IGF2R: variants seen among roughly 807,000 people sequenced by gnomAD.
The protein encoded by IGF2R is cation-independent mannose-6-phosphate receptor.
A neutral mutation model predicts 270.6 loss-of-function variants in IGF2R; 91 were observed. The observed-to-expected ratio is 0.34, with a 90% confidence interval of 0.28 to 0.40. The LOEUF (loss-of-function observed/expected upper bound fraction) is 0.40, where lower values mean the gene tolerates loss of function less well. IGF2R is among the 10% of genes least tolerant of loss of function. The pLI, the probability that IGF2R is intolerant of heterozygous loss-of-function variation, is 1.00. For synonymous variants in IGF2R, 1,316 were observed against 1,258.9 expected (o/e 1.05, Z -0.96); for missense variants, 2,805 against 3,188.3 (o/e 0.88, Z 2.90).
chr6:160,079,763 G>T lies in IGF2R; in HGVS notation c.5662G>T (p.Val1888Leu), dbSNP rs374125303. Residue 1888 changes from valine to leucine, a missense_variant, in exon 38 of 48, where the codon GTG (valine) becomes TTG (leucine). Physicochemically the swap from Val to Leu is conservative, Grantham distance 32 (BLOSUM62 1). Around this residue, in one of 2 missense-constraint regions of IGF2R, gnomAD observed 1,851 missense variants for 2,207.2 expected, o/e 0.84. Coordinates refer to ENST00000356956, the MANE Select transcript of IGF2R (RefSeq NM_000876.4). ...HQDEAVVLSY[V>L]NGDRCPPETD... The stretch of plus-strand genomic sequence containing the variant: ...GGATGAAGCGGTCGTTTTAAGTTAC[G>T]TGAATGGTGATCGTTGCCCTCCAGG... 2 of 1,458,642 alleles carry T rather than the reference G, an allele frequency of 1.4e-6. No homozygotes were observed. The highest frequency in any genetic ancestry group is 1.8e-6 in the Non-Finnish European group (2 of 1,101,532). The allele number at this position is 1,458,642 out of a possible 1,614,324, so 90.4% of individuals were successfully genotyped here. A position where few individuals can be genotyped will look rare whatever the true frequency, so the allele number is the denominator to read the frequency against.
At chr6:159,981,285 G>A (rs1783798034) in intron 1 of IGF2R, among the ~76,000 whole-genome samples, 1 of 152,112 alleles carries the variant, frequency 6.6e-6, no homozygotes, top group South Asian at 2.1e-4. Flanking sequence ...GCACGAGTGT[G>A]TGAGTGCAAG....
Position 160,079,751 on chromosome 6 carries a change from G to A in IGF2R, c.5650G>A (p.Val1884Ile), listed in dbSNP as rs372315069. The change falls in exon 38 of 48, where the codon GTT (valine) becomes ATT (isoleucine). Residue 1884 changes from valine to isoleucine, a missense_variant. Physicochemically the swap from Val to Ile is conservative, Grantham distance 29. This residue lies in a region of IGF2R where 1,851 missense variants were observed against 2,207.2 expected (regional missense o/e 0.84). Coordinates refer to ENST00000356956, the MANE Select transcript of IGF2R (RefSeq NM_000876.4). ...TTACAGGCACCAGGATGAAGCGGTCGTTTTAAGTTACGTGAATGGTGATCG... is the reference window on the plus strand; with the variant it reads ...TTACAGGCACCAGGATGAAGCGGTCATTTTAAGTTACGTGAATGGTGATCG... ...LDYRHQDEAV[V>I]LSYVNGDRCP... 65 of 1,475,988 alleles carry A rather than the reference G, an allele frequency of 4.4e-5. No homozygotes were observed. The highest frequency in any genetic ancestry group is 2.8e-4 in the South Asian group (19 of 68,456). The allele number at this position is 1,475,988 out of a possible 1,614,324, so 91.4% of individuals were successfully genotyped here.
Position 160,044,931 on chromosome 6 carries a change from C to T in IGF2R, c.1765+274C>T, listed in dbSNP as rs79336717. On this transcript the variant is annotated intron_variant, in intron 13 of 47. Coordinates refer to ENST00000356956, the MANE Select transcript of IGF2R (RefSeq NM_000876.4). Reference sequence around the variant, plus strand: ...TGTATCCTCTTCCTCGGGACTGATACTCGGCCAGTCATGTGGTTACTTAAC... The same window carrying T: ...TGTATCCTCTTCCTCGGGACTGATATTCGGCCAGTCATGTGGTTACTTAAC... Among the ~76,000 whole-genome samples the T allele has an allele frequency of 9.4e-3, 1,430 of 152,306 alleles. 22 individuals carry two copies. The highest frequency in any genetic ancestry group is 0.033 in the African/African-American group (1,365 of 41,548).
intron 12 of IGF2R, among the ~76,000 whole-genome samples, chr6:160,043,743 G>A (rs1165871768): frequency 6.6e-6 from 1 of 152,204 alleles, no homozygotes; most frequent in Non-Finnish European, 1.5e-5. Context: ...TTTTGGTCCC[G>A]TAGCTGTCAT....
intron 39 of IGF2R, among the ~76,000 whole-genome samples, chr6:160,081,971 G>C (rs1778992967): frequency 6.6e-6 from 1 of 152,162 alleles, no homozygotes; most frequent in Non-Finnish European, 1.5e-5. Context: ...GTCCTGAGGC[G>C]ACATACATCC....
intron 2 of IGF2R, among the ~76,000 whole-genome samples, chr6:159,993,027 A>G (rs937788445): frequency 6.6e-6 from 1 of 152,126 alleles, no homozygotes. Flanking sequence ...ACATTTTTAC[A>G]TATGCTTGTT....
intron 12 of IGF2R, among the ~76,000 whole-genome samples, chr6:160,043,926 G>T (rs887330303): frequency 2.6e-5 from 4 of 152,192 alleles, no homozygotes; most frequent in African/African-American, 9.7e-5. Context: ...AGAATTGCTG[G>T]TGTGTCTTTA....
At chr6:159,970,179 A>C (rs1033828420) in intron 1 of IGF2R, among the ~76,000 whole-genome samples, 1 of 152,084 alleles carries the variant, frequency 6.6e-6, no homozygotes, top group Non-Finnish European at 1.5e-5. Flanking sequence ...ACCTCGCGCA[A>C]CTGCTAGCAG....
rs755956479 is a variant in IGF2R at position 160,062,493 on chromosome 6, TAAAC to T, written c.3583-37_3583-34del. 3.5e-5 allele frequency: 54 copies of T among 1,525,194 alleles called. No individual in the cohort carries two copies. The East Asian group carries it at 1.1e-3, about 31-fold the overall frequency. 94.5% of individuals were successfully genotyped at this position (1,525,194 alleles called of 1,614,324 possible). A position where few individuals can be genotyped will look rare whatever the true frequency, so the allele number is the denominator to read the frequency against. ...GGCCCCATTTGATTAATTTTTAAAA[TAAAC>T]AGGAAACAAATCAGGCTGCTGATTT... On this transcript the variant is annotated intron_variant, in intron 25 of 47. Transcript: ENST00000356956.
intron 39 of IGF2R, among the ~76,000 whole-genome samples, chr6:160,083,531 C>A (rs1036850356): frequency 6.6e-6 from 1 of 152,218 alleles, no homozygotes; most frequent in African/African-American, 2.4e-5. Context: ...CTTTCTCATC[C>A]CACGAGGCCA....
At chr6:159,976,682 C>T (rs187728468) in intron 1 of IGF2R, among the ~76,000 whole-genome samples, 59 of 151,174 alleles carry the variant, frequency 3.9e-4, no homozygotes, top group Middle Eastern at 6.8e-3. Context: ...TTGTGTATTC[C>T]CTTTTTGGAT....
chr6:160,038,408 C>T (rs763327156), intron 10 of IGF2R, among the ~76,000 whole-genome samples: 1 of 152,218 alleles, frequency 6.6e-6, no homozygotes, highest in African/African-American at 2.4e-5. Context: ...AGTAAGAATA[C>T]GTGTAAGGTA....
Position 160,105,728 on chromosome 6 carries a change from G to A in IGF2R, c.*644G>A, listed in dbSNP as rs900407877. On this transcript the variant is annotated 3_prime_UTR_variant, in exon 48 of 48. Transcript: ENST00000356956. ...TGCGTGCGAGCACACACACACATAC[G>A]TGCACAGGGTCCCCGAGTGCCTAGG... The A allele has an allele frequency of 4.6e-5, 7 of 152,694 alleles. No individual in the cohort carries two copies. The highest frequency in any genetic ancestry group is 2.0e-4 in the Admixed American group (3 of 15,278). The allele number at this position is 152,694 out of a possible 1,614,324, so 9.5% of individuals were successfully genotyped here. A position where few individuals can be genotyped will look rare whatever the true frequency, so the allele number is the denominator to read the frequency against.
chr6:160,090,159 T>A, intron 44 of IGF2R, 56 bp downstream of exon 44: 1 of 1,316,148 alleles, frequency 7.6e-7, no homozygotes, highest in Non-Finnish European at 1.0e-6. Context: ...GGAAGGGGAT[T>A]AAAATTTTCA....
intron 2 of IGF2R, among the ~76,000 whole-genome samples, chr6:159,996,192 G>A (rs187192256): frequency 2.0e-5 from 3 of 152,210 alleles, no homozygotes; most frequent in Non-Finnish European, 4.4e-5. Flanking sequence ...CGTCTCCCGC[G>A]GGGCCTGGAA....
intron 2 of IGF2R, among the ~76,000 whole-genome samples, chr6:160,000,728 GTTTT>G (rs59215791): frequency 3.6e-4 from 25 of 69,946 alleles, no homozygotes; most frequent in African/African-American, 1.1e-3. Context: ...GTGTGAGGTT[GTTTT>G]TTTTTTTTTT....
chr6:160,089,948 A>G lies in IGF2R; in HGVS notation c.6500A>G (p.Asn2167Ser). 1 of 1,601,048 alleles carries G rather than the reference A, an allele frequency of 6.2e-7. No homozygotes were observed. Among genetic ancestry groups the G allele is most frequent in the Non-Finnish European group, 8.5e-7 (1 of 1,174,154 alleles). The change falls in exon 44 of 48, where the codon AAT (asparagine) becomes AGT (serine). Residue 2167 changes from asparagine (N) to serine (S), a missense_variant. Physicochemically the swap from Asn to Ser is conservative, Grantham distance 46. Transcript: ENST00000356956. ...LFRASGDMRTNGDNYLYEIQL... is the reference protein window; with the variant it reads ...LFRASGDMRTSGDNYLYEIQL... ...AGAGCCTCTGGGGACATGAGGACCA[A>G]TGGGGACAACTACCTGTATGAGATC... is the stretch of plus-strand genomic sequence containing the variant.
intron 10 of IGF2R, among the ~76,000 whole-genome samples, chr6:160,039,064 T>A (rs1426334835): frequency 6.6e-6 from 1 of 152,186 alleles, no homozygotes; most frequent in African/African-American, 2.4e-5. Flanking sequence ...AATATAGTCA[T>A]GTGTTGCTTA....
intron 35 of IGF2R, among the ~76,000 whole-genome samples, chr6:160,075,094 T>G (rs1264386629): frequency 6.6e-6 from 1 of 152,076 alleles, no homozygotes; most frequent in Admixed American, 6.6e-5. Flanking sequence ...GGGAAGCTGC[T>G]TATACACACA....
Sources: allele counts gnomAD v4.1 joint callset (sites outside exome capture counted in the v4.1 genomes callset), GRCh38; gene constraint gnomAD v4.1.1; regional missense constraint gnomAD v4.1.1; transcripts MANE v1.5; gene names NCBI Gene and HGNC (gene_info 2026-07-23, HGNC 2026-07-21).